Variants in MAP2K4 observed in about 807,000 individuals in gnomAD.
MAP2K4 encodes the protein dual specificity mitogen-activated protein kinase kinase 4.
A neutral mutation model predicts 48.5 loss-of-function variants in MAP2K4; 4 were observed. The ratio of observed to expected loss-of-function variants is 0.08; its 90% CI spans 0.04 to 0.19. The LOEUF is 0.19. Ranked by LOEUF, MAP2K4 falls within the 10% of genes least tolerant of loss-of-function variation. The pLI is 1.00. For synonymous variants in MAP2K4, 166 were observed against 173.1 expected, an observed-to-expected ratio of 0.96 and a Z score of 0.32; for missense variants, 258 against 493.3, an observed-to-expected ratio of 0.52 and a Z score of 4.52.
intron 2 of MAP2K4, among the ~76,000 whole-genome samples, chr17:12,066,714 G>C (rs1275239574): frequency 6.6e-6 from 1 of 152,042 alleles, no homozygotes; most frequent in African/African-American, 2.4e-5. Context: ...TTTTGAGACG[G>C]AGTCTCGTTC....
chr17:12,114,164 T>C (rs1850808736), intron 7 of MAP2K4, among the ~76,000 whole-genome samples: 1 of 152,176 alleles, frequency 6.6e-6, no homozygotes, highest in Non-Finnish European at 1.5e-5. Context: ...TTGAATAAAA[T>C]TGTTCTTTCT....
chr17:12,059,566 T>C (rs1466845235), intron 2 of MAP2K4, among the ~76,000 whole-genome samples: 1 of 152,144 alleles, frequency 6.6e-6, no homozygotes, highest in African/African-American at 2.4e-5. Flanking sequence ...TGGAAATAAA[T>C]AGTGGTGGAT....
intron 7 of MAP2K4, among the ~76,000 whole-genome samples, chr17:12,119,001 G>A (rs548330263): frequency 1.3e-5 from 2 of 152,304 alleles, no homozygotes; most frequent in East Asian, 3.9e-4. Flanking sequence ...ACGGAAAGAA[G>A]GGGATATTAA....
At chr17:12,033,368 G>T (rs1969499353) in intron 1 of MAP2K4, among the ~76,000 whole-genome samples, 1 of 152,056 alleles carries the variant, frequency 6.6e-6, no homozygotes, top group African/African-American at 2.4e-5. Context: ...AAACATTTCT[G>T]CTATGTTTAA....
intron 1 of MAP2K4, among the ~76,000 whole-genome samples, chr17:12,021,753 AAAG>A (rs1287280121): frequency 2.1e-4 from 32 of 151,794 alleles, no homozygotes; most frequent in African/African-American, 6.1e-4. Flanking sequence ...AAAAAAAAAA[AAAG>A]AAGACTTAAT....
chr17:12,134,596 GAATT>G (rs990341890), intron 9 of MAP2K4, among the ~76,000 whole-genome samples: 3 of 152,190 alleles, frequency 2.0e-5, no homozygotes, highest in Non-Finnish European at 2.9e-5. Context: ...TGTAGACAAA[GAATT>G]AAAATTAAAA....
chr17:12,104,546 A>G (rs1027972036), intron 4 of MAP2K4, among the ~76,000 whole-genome samples: 1 of 152,026 alleles, frequency 6.6e-6, no homozygotes, highest in African/African-American at 2.4e-5. Context: ...AATTTTTTAC[A>G]TGTATTTAGG....
intron 4 of MAP2K4, among the ~76,000 whole-genome samples, chr17:12,100,927 T>G (rs1458468569): frequency 2.0e-5 from 3 of 152,134 alleles, no homozygotes; most frequent in African/African-American, 7.2e-5. Flanking sequence ...TATTCGGTTT[T>G]GGGAGGTTTT....
intron 9 of MAP2K4, among the ~76,000 whole-genome samples, chr17:12,132,615 A>T (rs1973065182): frequency 6.6e-6 from 1 of 152,136 alleles, no homozygotes; most frequent in Non-Finnish European, 1.5e-5. Flanking sequence ...CTAAGGAAAA[A>T]AAAAAAAGGA....
At chr17:12,127,595 T>G (rs1843290372) in intron 8 of MAP2K4, among the ~76,000 whole-genome samples, 1 of 152,216 alleles carries the variant, frequency 6.6e-6, no homozygotes, top group African/African-American at 2.4e-5. Context: ...AGGGACAGTC[T>G]TATAAAAATT....
intron 1 of MAP2K4, among the ~76,000 whole-genome samples, chr17:12,044,552 C>G (rs575974827): frequency 2.0e-4 from 31 of 152,268 alleles, no homozygotes; most frequent in African/African-American, 6.3e-4. Flanking sequence ...AGGAAAAACT[C>G]AAACTTTTTT....
intron 5 of MAP2K4, 140 bp from the exon 6 acceptor site, chr17:12,110,235 A>G (rs1972259241): frequency 9.1e-6 from 6 of 656,930 alleles, no homozygotes; most frequent in Admixed American, 3.3e-5. Context: ...TCTTTGGTTA[A>G]CAAGAAATGA....
intron 10 of MAP2K4, among the ~76,000 whole-genome samples, chr17:12,140,201 A>C (rs1425045405): frequency 1.1e-4 from 3 of 26,818 alleles, no homozygotes; most frequent in Non-Finnish European, 5.6e-4. Context: ...CCATAAGAAA[A>C]AAATTAGTGA....
At chr17:12,063,257 C>G (rs1265203445) in intron 2 of MAP2K4, among the ~76,000 whole-genome samples, 2 of 152,048 alleles carry the variant, frequency 1.3e-5, no homozygotes, top group Non-Finnish European at 2.9e-5. Flanking sequence ...AACCTGCAAG[C>G]TACAGTAATT....
At chr17:12,108,744 G>A (rs1170963953) in intron 5 of MAP2K4, among the ~76,000 whole-genome samples, 1 of 151,598 alleles carries the variant, frequency 6.6e-6, no homozygotes, top group Non-Finnish European at 1.5e-5. Context: ...TTCCTTACCT[G>A]CATACTCCCC....
chr17:12,093,409 A>G (rs2151559712), intron 3 of MAP2K4, among the ~76,000 whole-genome samples: 1 of 151,994 alleles, frequency 6.6e-6, no homozygotes, highest in Admixed American at 6.6e-5. Context: ...TAGTCCATAT[A>G]TCCTTTCTGT....
At chr17:12,101,867 C>T (rs887517831) in intron 4 of MAP2K4, among the ~76,000 whole-genome samples, 1 of 152,052 alleles carries the variant, frequency 6.6e-6, no homozygotes, top group Non-Finnish European at 1.5e-5. Context: ...ATCTTGTGTG[C>T]AGCAACCTTG....
At chr17:12,069,144 T>C (rs1045072402) in intron 2 of MAP2K4, among the ~76,000 whole-genome samples, 1 of 152,184 alleles carries the variant, frequency 6.6e-6, no homozygotes. Flanking sequence ...TGTCTAATGT[T>C]CTGAGAATGC....
At chr17:12,038,358 T>C (rs17541807) in intron 1 of MAP2K4, among the ~76,000 whole-genome samples, 38,561 of 152,054 alleles carry the variant, frequency 0.25, 5,415 homozygotes, top group Middle Eastern at 0.35. Context: ...ACTTCCATCT[T>C]GGTGTTCATT....
Sources: gnomAD v4.1 joint callset for allele counts (sites outside exome capture counted in the v4.1 genomes callset) on GRCh38, gnomAD v4.1.1 for gene constraint, MANE v1.5 for transcripts, NCBI Gene and HGNC (gene_info 2026-07-23, HGNC 2026-07-21) for gene names.